Variants in TMCC1 observed in about 807,000 individuals in gnomAD.
TMCC1 encodes transmembrane and coiled-coil domain family 1, also known as transmembrane and coiled-coil domains protein 1.
A neutral mutation model predicts 52.4 loss-of-function variants in TMCC1; 15 were observed. The observed-to-expected ratio is 0.29, with a 90% CI of 0.19 to 0.44. TMCC1 has a LOEUF of 0.44. Ranked by LOEUF, TMCC1 falls within the 20% of genes least tolerant of loss-of-function variation. TMCC1 has a pLI of 1.00. For missense variants in TMCC1, 503 were observed against 806.0 expected (o/e 0.62, Z 4.55); for synonymous variants, 279 against 301.9 (o/e 0.92, Z 0.79).
chr3:129,781,050 C>T (rs2055481901), intron 4 of TMCC1, among the ~76,000 whole-genome samples: 1 of 152,170 alleles, frequency 6.6e-6, no homozygotes, highest in African/African-American at 2.4e-5. Context: ...ACAGAAAGTT[C>T]TATTGGATGG....
At chr3:129,821,329 AT>A (rs925728794) in intron 4 of TMCC1, among the ~76,000 whole-genome samples, 24 of 151,458 alleles carry the variant, frequency 1.6e-4, no homozygotes, top group Admixed American at 2.6e-4. Context: ...TAATTACTTC[AT>A]TTTTTTTTAA....
chr3:129,794,371 A>T (rs776365924), intron 4 of TMCC1: 1 of 456,296 alleles, frequency 2.2e-6, no homozygotes, highest in South Asian at 1.5e-5. Context: ...ATGATCACCC[A>T]GAGGATCTTC....
intron 2 of TMCC1, among the ~76,000 whole-genome samples, chr3:129,851,827 C>G (rs1226352518): frequency 6.6e-6 from 1 of 152,200 alleles, no homozygotes. Context: ...GCAGCATATA[C>G]ATACCATGGA....
At chr3:129,852,544 C>T (rs548935539) in intron 2 of TMCC1, among the ~76,000 whole-genome samples, 1 of 147,790 alleles carries the variant, frequency 6.8e-6, no homozygotes, top group Non-Finnish European at 1.5e-5. Context: ...TGAGGACAGA[C>T]ATAAAATAAG....
chr3:129,670,198 T>C (rs1191652743), intron 5 of TMCC1, 132 bp downstream of exon 5: 17 of 870,892 alleles, frequency 2.0e-5, no homozygotes, highest in Non-Finnish European at 2.6e-5. Context: ...CTCATGTGGA[T>C]GTCTTATGAC....
intron 5 of TMCC1, among the ~76,000 whole-genome samples, chr3:129,667,220 T>TA (rs1202933776): frequency 0.064 from 5,429 of 85,224 alleles, 232 homozygotes; most frequent in African/African-American, 0.13. Flanking sequence ...CCCTGACTCT[T>TA]AAAAAAAAAA....
At chr3:129,878,191 TGACCTCA>T (rs1457646517) in intron 2 of TMCC1, among the ~76,000 whole-genome samples, 1 of 147,658 alleles carries the variant, frequency 6.8e-6, no homozygotes, top group African/African-American at 2.5e-5. Context: ...CTTGAACTCC[TGACCTCA>T]GGTGATCTGC....
At chr3:129,750,788 G>A (rs929548299) in intron 4 of TMCC1, among the ~76,000 whole-genome samples, 1 of 149,400 alleles carries the variant, frequency 6.7e-6, no homozygotes, top group Admixed American at 6.6e-5. Flanking sequence ...TGTTAGCCAG[G>A]CTGGTCTCGA....
chr3:129,704,550 C>T (rs2048077512), intron 4 of TMCC1, among the ~76,000 whole-genome samples: 1 of 152,114 alleles, frequency 6.6e-6, no homozygotes, highest in South Asian at 2.1e-4. Flanking sequence ...TCCTGAGTAG[C>T]TGGGATTACA....
At chr3:129,826,425 T>C (rs1027845952) in intron 4 of TMCC1, among the ~76,000 whole-genome samples, 3 of 151,768 alleles carry the variant, frequency 2.0e-5, no homozygotes, top group African/African-American at 2.4e-5. Flanking sequence ...GATGATCACC[T>C]GAGTCTGGGG....
Position 129,651,355 on chromosome 3 carries a change from TA to T in TMCC1, c.*125del. On this transcript the variant is annotated 3_prime_UTR_variant, in exon 7 of 7. Transcript: ENST00000393238. This position sits in a 1 kb window ranked among gnomAD's most constrained non-coding sequence, Gnocchi z 5.1. Reference sequence around the variant, plus strand: ...TCTCTTGAAGAAAAAAACATTATTCTAAATGTAAACAGATTCACTCAACTCT... The same window carrying T: ...TCTCTTGAAGAAAAAAACATTATTCTAATGTAAACAGATTCACTCAACTCT... The T allele has an allele frequency of 9.2e-7, 1 of 1,083,960 alleles. No homozygotes were observed. The highest frequency in any genetic ancestry group is 1.3e-6 in the Non-Finnish European group (1 of 759,424). The allele number at this position is 1,083,960 out of a possible 1,614,324, so 67.1% of individuals were successfully genotyped here. A position where few individuals can be genotyped will look rare whatever the true frequency, so the allele number is the denominator to read the frequency against.
intron 4 of TMCC1, among the ~76,000 whole-genome samples, chr3:129,815,570 A>ATC (rs958375849): frequency 2.6e-5 from 4 of 152,106 alleles, no homozygotes; most frequent in Non-Finnish European, 5.9e-5. Flanking sequence ...CTACACCCCT[A>ATC]TCTCTGAACA....
intron 4 of TMCC1, among the ~76,000 whole-genome samples, chr3:129,791,962 A>C (rs751222610): frequency 6.6e-6 from 1 of 152,222 alleles, no homozygotes; most frequent in Non-Finnish European, 1.5e-5. Context: ...ATTAGGCTTA[A>C]AATTACTGCA....
At chr3:129,782,210 T>C in intron 4 of TMCC1, among the ~76,000 whole-genome samples, 1 of 152,142 alleles carries the variant, frequency 6.6e-6, no homozygotes, top group Admixed American at 6.6e-5. Context: ...CACATATAGG[T>C]GGTATTTAAC....
At chr3:129,839,721 C>A (rs961987049) in intron 2 of TMCC1, among the ~76,000 whole-genome samples, 4 of 151,692 alleles carry the variant, frequency 2.6e-5, no homozygotes, top group African/African-American at 9.7e-5. Flanking sequence ...CCCATATCTA[C>A]GAAAAATTTA....
chr3:129,854,603 T>C (rs543938186), intron 2 of TMCC1, among the ~76,000 whole-genome samples: 2 of 152,186 alleles, frequency 1.3e-5, no homozygotes, highest in East Asian at 3.9e-4. Flanking sequence ...TAGCCTTAAT[T>C]AGGTCCTTCA....
chr3:129,770,572 T>C (rs1305870438), intron 4 of TMCC1, among the ~76,000 whole-genome samples: 1 of 151,406 alleles, frequency 6.6e-6, no homozygotes, highest in African/African-American at 2.4e-5. Context: ...AGCAAGACCC[T>C]GTCTTAAGAT....
At chr3:129,886,314 T>A (rs921337791) in intron 1 of TMCC1, among the ~76,000 whole-genome samples, 24 of 152,354 alleles carry the variant, frequency 1.6e-4, no homozygotes, top group African/African-American at 5.8e-4. Context: ...CAGGAGAAAG[T>A]AGCATTCTTT....
At chr3:129,715,123 T>C (rs1027990158) in intron 4 of TMCC1, among the ~76,000 whole-genome samples, 2 of 152,176 alleles carry the variant, frequency 1.3e-5, no homozygotes, top group African/African-American at 4.8e-5. Flanking sequence ...TCCTTTTTTT[T>C]CTCACTCTTA....
Sources: gnomAD v4.1 joint callset for allele counts (sites outside exome capture counted in the v4.1 genomes callset) on GRCh38, gnomAD v4.1.1 for gene constraint, Gnocchi (gnomAD v3.1) non-coding constraint, MANE v1.5 for transcripts, NCBI Gene and HGNC (gene_info 2026-07-23, HGNC 2026-07-21) for gene names.